ERC2: variants seen among roughly 807,000 people sequenced by gnomAD.
ERC2 encodes the protein ELKS/RAB6-interacting/CAST family member 2.
ERC2 carries 42 observed loss-of-function variants against 114.8 expected under a neutral mutation model. That is an observed-to-expected ratio of 0.37 (90% CI 0.29 to 0.47). The LOEUF (loss-of-function observed/expected upper bound fraction) is 0.47, where lower values mean the gene tolerates loss of function less well. Among genes scored for constraint, ERC2 ranks in the 20% least tolerant of loss-of-function variants. The pLI is 0.99. For synonymous variants in ERC2, 454 were observed against 425.5 expected (o/e 1.07, Z -0.82); for missense variants, 939 against 1,150.7 (o/e 0.82, Z 2.66).
chr3:55,949,817 T>C (rs890567522), intron 13 of ERC2, among the ~76,000 whole-genome samples: 2 of 152,220 alleles, frequency 1.3e-5, no homozygotes, highest in Non-Finnish European at 2.9e-5. Context: ...GAATGTTTTA[T>C]TGAGTACATG....
At chr3:55,612,036 A>G (rs1311858887) in intron 17 of ERC2, among the ~76,000 whole-genome samples, 9 of 152,146 alleles carry the variant, frequency 5.9e-5, no homozygotes, top group Non-Finnish European at 1.2e-4. Flanking sequence ...AAGCAATCCC[A>G]TCCCAGCCCC....
chr3:55,817,364 G>A (rs906721914), intron 14 of ERC2, among the ~76,000 whole-genome samples: 1 of 152,190 alleles, frequency 6.6e-6, no homozygotes, highest in Admixed American at 6.5e-5. Flanking sequence ...TTCCAGCAGT[G>A]AGGTGGGCAG....
At chr3:55,876,003 A>G (rs2062819160) in intron 14 of ERC2, among the ~76,000 whole-genome samples, 1 of 152,172 alleles carries the variant, frequency 6.6e-6, no homozygotes, top group South Asian at 2.1e-4. Context: ...TGGGTAAGAA[A>G]GGGGGAAAGA....
At chr3:55,935,305 C>T (rs1045502014) in intron 13 of ERC2, among the ~76,000 whole-genome samples, 34 of 152,138 alleles carry the variant, frequency 2.2e-4, no homozygotes, top group Non-Finnish European at 2.8e-4. Context: ...ACCAGTTCCA[C>T]GGGGTGATAG....
At chr3:56,178,172 A>G (rs74729827) in intron 3 of ERC2, among the ~76,000 whole-genome samples, 2 of 152,234 alleles carry the variant, frequency 1.3e-5, no homozygotes, top group East Asian at 3.8e-4. Context: ...CTGGATGGAC[A>G]CTAGCTTCCA....
chr3:56,406,633 T>C (rs982115321), intron 2 of ERC2, among the ~76,000 whole-genome samples: 1 of 152,180 alleles, frequency 6.6e-6, no homozygotes, highest in Non-Finnish European at 1.5e-5. Flanking sequence ...ACACTGAGTC[T>C]TGCAAATAAT....
intron 2 of ERC2, among the ~76,000 whole-genome samples, chr3:56,388,246 G>A (rs1451380964): frequency 2.6e-5 from 4 of 152,110 alleles, no homozygotes; most frequent in African/African-American, 9.7e-5. Context: ...GGATCATGGG[G>A]ACAGATCCCT....
intron 3 of ERC2, among the ~76,000 whole-genome samples, chr3:56,199,538 T>C (rs2048293259): frequency 6.6e-6 from 1 of 151,840 alleles, no homozygotes. Flanking sequence ...GACAGAGTGT[T>C]GTTCTGTCAC....
chr3:55,591,096 G>A (rs1458399149), intron 17 of ERC2, among the ~76,000 whole-genome samples: 1 of 151,962 alleles, frequency 6.6e-6, no homozygotes, highest in Non-Finnish European at 1.5e-5. Context: ...CAAAGTGCTA[G>A]GATTACAGGT....
chr3:56,392,069 A>G (rs1056555059), intron 2 of ERC2, among the ~76,000 whole-genome samples: 5 of 152,234 alleles, frequency 3.3e-5, no homozygotes, highest in Non-Finnish European at 7.3e-5. Context: ...AATAATAGCA[A>G]AGATGCTATC....
chr3:56,115,686 A>G (rs185684628), intron 6 of ERC2, among the ~76,000 whole-genome samples: 17 of 152,028 alleles, frequency 1.1e-4, no homozygotes, highest in African/African-American at 3.6e-4. Context: ...CCTTTTTTTC[A>G]GTGTTTCTAA....
intron 17 of ERC2, among the ~76,000 whole-genome samples, chr3:55,641,951 C>T (rs1433835829): frequency 6.6e-6 from 1 of 152,112 alleles, no homozygotes; most frequent in East Asian, 1.9e-4. Flanking sequence ...GAAGAGTAGC[C>T]CATTACTTCC....
chr3:55,992,909 A>G (rs1204895366), intron 10 of ERC2, among the ~76,000 whole-genome samples: 1 of 152,244 alleles, frequency 6.6e-6, no homozygotes, highest in African/African-American at 2.4e-5. Flanking sequence ...TTCATGAACA[A>G]GTACACAGAC....
intron 14 of ERC2, among the ~76,000 whole-genome samples, chr3:55,840,852 AAG>A (rs923562611): frequency 1.3e-5 from 2 of 152,154 alleles, no homozygotes; most frequent in African/African-American, 2.4e-5. Context: ...CAAGTCAAAA[AAG>A]AGTACATTGA....
At chr3:56,034,260 C>A (rs1342214601) in intron 7 of ERC2, among the ~76,000 whole-genome samples, 1 of 152,036 alleles carries the variant, frequency 6.6e-6, no homozygotes, top group Non-Finnish European at 1.5e-5. Context: ...ATAAAAGGGT[C>A]ATTTCATCAA....
intron 16 of ERC2, 123 bp downstream of exon 16, chr3:55,699,255 T>C: frequency 9.9e-6 from 12 of 1,206,372 alleles, no homozygotes; most frequent in African/African-American, 1.5e-5. Context: ...ACCAAAGCTA[T>C]TAGTTTCAGT....
At chr3:56,059,483 T>A (rs1232828319) in intron 7 of ERC2, among the ~76,000 whole-genome samples, 1 of 152,196 alleles carries the variant, frequency 6.6e-6, no homozygotes, top group Non-Finnish European at 1.5e-5. Context: ...AGGAAGTAAG[T>A]GACTTTGGAC....
intron 3 of ERC2, among the ~76,000 whole-genome samples, chr3:56,193,623 T>C (rs1271101019): frequency 3.4e-4 from 52 of 152,218 alleles, no homozygotes; most frequent in Admixed American, 3.3e-3. Flanking sequence ...TGAGCACACA[T>C]TAATTGCATA....
At chr3:56,113,670 G>A (rs1477997306) in intron 6 of ERC2, among the ~76,000 whole-genome samples, 3 of 152,058 alleles carry the variant, frequency 2.0e-5, no homozygotes, top group East Asian at 1.9e-4. Context: ...ACTCAATTCC[G>A]ACACTATCTA....
Sources: gnomAD v4.1 joint callset for allele counts (sites outside exome capture counted in the v4.1 genomes callset) on GRCh38, gnomAD v4.1.1 for gene constraint, MANE v1.5 for transcripts, NCBI Gene and HGNC (gene_info 2026-07-23, HGNC 2026-07-21) for gene names.